Variants in ZC3H7B observed in about 807,000 individuals in gnomAD.
The protein encoded by ZC3H7B is zinc finger CCCH-type containing 7B, also known as zinc finger CCCH domain-containing protein 7B.
ZC3H7B carries 35 observed loss-of-function variants against 116.0 expected under a neutral mutation model. The observed-to-expected ratio is 0.30, with a 90% CI of 0.23 to 0.40. The LOEUF is 0.40. Ranked by LOEUF, ZC3H7B falls within the 10% of genes least tolerant of loss-of-function variation. The probability of loss-of-function intolerance (pLI) is 1.00; values close to 1 mark genes in which losing one functional copy is unlikely to be tolerated. For missense variants in ZC3H7B, 1,011 were observed against 1,321.5 expected, an observed-to-expected ratio of 0.77 and a Z score of 3.64; for synonymous variants, 502 against 545.6, an observed-to-expected ratio of 0.92 and a Z score of 1.11.
At chr22:41,312,782 G>A (rs541547073) in intron 1 of ZC3H7B, among the ~76,000 whole-genome samples, 8 of 151,116 alleles carry the variant, frequency 5.3e-5, no homozygotes, top group African/African-American at 1.2e-4. Context: ...GTGATGGTGC[G>A]TGCCTGTGGT....
chr22:41,348,119 C>T lies in ZC3H7B; in HGVS notation c.1718C>T (p.Pro573Leu), dbSNP rs1413383536. Residue 573 changes from proline (P) to leucine (L), a missense_variant, in exon 15 of 23, where the codon CCG (proline) becomes CTG (leucine). Physicochemically the swap from Pro to Leu is moderately conservative, Grantham distance 98 (BLOSUM62 -3). This residue lies in a region of ZC3H7B where 406 missense variants were observed against 590.2 expected (regional missense o/e 0.69). Transcript: ENST00000352645. ...RIISKGTKDSPSVCSNLAAKH... is the reference protein window; with the variant it reads ...RIISKGTKDSLSVCSNLAAKH... Reference sequence around the variant, plus strand: ...ATCAGCAAAGGCACCAAGGACTCTCCGTCTGTCTGCTCCAACCTGGCTGCC... The same window carrying T: ...ATCAGCAAAGGCACCAAGGACTCTCTGTCTGTCTGCTCCAACCTGGCTGCC... 1.2e-6 allele frequency: 2 copies of T among 1,614,002 alleles called. No homozygotes were observed. Among genetic ancestry groups the T allele is most frequent in the Non-Finnish European group, 8.5e-7 (1 of 1,179,958 alleles).
At chr22:41,325,501 T>C in intron 2 of ZC3H7B, 63 bp from the exon 3 acceptor site, 1 of 1,572,920 alleles carries the variant, frequency 6.4e-7, no homozygotes, top group South Asian at 1.2e-5. Context: ...GGAGTAGCTC[T>C]GGACCTCCAT....
intron 1 of ZC3H7B, among the ~76,000 whole-genome samples, chr22:41,308,437 C>G (rs2036074317): frequency 6.6e-6 from 1 of 152,146 alleles, no homozygotes; most frequent in Admixed American, 6.6e-5. Context: ...TTCTTGGCTT[C>G]TGTCTCCTTT....
In ZC3H7B at chr22:41,354,397, G is replaced by A. The variant is rs188391010; in HGVS notation, c.2035-1072G>A. Among the ~76,000 whole-genome samples the A allele has an allele frequency of 2.0e-3, 303 of 152,302 alleles. 1 individual carries two copies. Among genetic ancestry groups the A allele is most frequent in the Admixed American group, 3.4e-3 (52 of 15,296 alleles). On this transcript the variant is annotated intron_variant, in intron 17 of 22. Transcript: ENST00000352645. ...GTTATTCTGGGGCTGAGCAGCCCAC[G>A]AGTTGTCCAGCACCAGGCCAGGGGT...
At chr22:41,309,237 C>T (rs936731601) in intron 1 of ZC3H7B, among the ~76,000 whole-genome samples, 6 of 152,004 alleles carry the variant, frequency 3.9e-5, no homozygotes, top group Non-Finnish European at 7.4e-5. Context: ...GTCTCGATCT[C>T]CTGACCTCGT....
At chr22:41,354,123 C>G (rs1007718592) in intron 17 of ZC3H7B, among the ~76,000 whole-genome samples, 2 of 152,200 alleles carry the variant, frequency 1.3e-5, no homozygotes, top group African/African-American at 4.8e-5. Flanking sequence ...GGCATGGGGT[C>G]TGGCTCTAAG....
intron 1 of ZC3H7B, among the ~76,000 whole-genome samples, chr22:41,313,535 G>A (rs530893468): frequency 1.3e-5 from 2 of 152,248 alleles, no homozygotes; most frequent in African/African-American, 2.4e-5. Flanking sequence ...GAGCAAGAGG[G>A]GAAACTGGCT....
At chr22:41,320,878 T>G (rs1601770496) in intron 2 of ZC3H7B, among the ~76,000 whole-genome samples, 165 bp downstream of exon 2, 1 of 152,146 alleles carries the variant, frequency 6.6e-6, no homozygotes, top group Admixed American at 6.6e-5. Flanking sequence ...AAGGGGCTGG[T>G]GTGGCTGTGC....
intron 1 of ZC3H7B, among the ~76,000 whole-genome samples, chr22:41,314,597 A>G (rs2036157331): frequency 6.7e-6 from 1 of 149,406 alleles, no homozygotes; most frequent in Non-Finnish European, 1.5e-5. Flanking sequence ...CATAATCATC[A>G]TTATTATTTT....
At position 41,357,663 on chromosome 22, in the gene ZC3H7B, C is replaced by T. The variant is rs955952223; in HGVS notation, c.*234C>T. On this transcript the variant is annotated 3_prime_UTR_variant, in exon 23 of 23. Transcript: ENST00000352645. The surrounding 1 kb of genome is among the most constrained non-coding windows in gnomAD (Gnocchi z 5.4). Reference sequence around the variant, plus strand: ...TGAAACCTGGGCTGCCCTTCCCCCACCCCCACGGCTCTCCTGGTTGAGGAG... The same window carrying T: ...TGAAACCTGGGCTGCCCTTCCCCCATCCCCACGGCTCTCCTGGTTGAGGAG... The T allele has an allele frequency of 8.4e-6, 5 of 595,844 alleles. No individual in the cohort carries two copies. The highest frequency in any genetic ancestry group is 5.8e-5 in the East Asian group (2 of 34,730). The allele number at this position is 595,844 out of a possible 1,614,324, so 36.9% of individuals were successfully genotyped here.
Position 41,339,993 on chromosome 22 carries a change from G to A in ZC3H7B, c.994G>A (p.Ala332Thr), listed in dbSNP as rs751797936. ...GLVMDPSKKL[A>T]ASVLDALDPP... ...GGTCATGGACCCCTCCAAGAAGCTG[G>A]CCGCCTCTGTGCTGGATGCCCTCGA... The change falls in exon 10 of 23, where the codon GCC becomes ACC. Residue 332 changes from alanine to threonine, a missense_variant. Physicochemically the swap from Ala to Thr is moderately conservative, Grantham distance 58. Transcript: ENST00000352645. 3.1e-6 allele frequency: 5 copies of A among 1,611,180 alleles called. No individual in the cohort carries two copies. In the Admixed American group the frequency reaches 6.7e-5, roughly 21 times the overall value.
chr22:41,354,331 G>A (rs1464312181), intron 17 of ZC3H7B, among the ~76,000 whole-genome samples: 4 of 152,222 alleles, frequency 2.6e-5, no homozygotes, highest in Non-Finnish European at 4.4e-5. Context: ...CGTCCCACGC[G>A]TAAAGGCATG....
chr22:41,329,204 C>G (rs2036352292), intron 5 of ZC3H7B, among the ~76,000 whole-genome samples: 1 of 144,316 alleles, frequency 6.9e-6, no homozygotes, highest in South Asian at 2.3e-4. Context: ...GACTCCATCT[C>G]AAAAAATCAA....
At chr22:41,345,629 T>C (rs891370472) in intron 13 of ZC3H7B, among the ~76,000 whole-genome samples, 1 of 152,178 alleles carries the variant, frequency 6.6e-6, no homozygotes, top group Non-Finnish European at 1.5e-5. Flanking sequence ...TGTATACTTC[T>C]ACAAAAGCAA....
chr22:41,310,523 T>C (rs1467589627), intron 1 of ZC3H7B, among the ~76,000 whole-genome samples: 3 of 152,092 alleles, frequency 2.0e-5, no homozygotes, highest in African/African-American at 7.2e-5. Flanking sequence ...GGAAACTCTC[T>C]TGATGCCCAA....
Position 41,311,785 on chromosome 22 carries a change from C to T in ZC3H7B, c.-6-8870C>T, listed in dbSNP as rs1358280850. On this transcript the variant is annotated intron_variant, in intron 1 of 22. Transcript: ENST00000352645. The stretch of plus-strand genomic sequence containing the variant: ...GAGCACTGTCCCTTAAATGGAAGCT[C>T]GGGGATGTTGGTCTTGAGACCTGGG... Among the ~76,000 whole-genome samples the T allele has an allele frequency of 2.0e-5, 3 of 151,928 alleles. No homozygotes were observed. The East Asian group carries it at 5.8e-4, about 29-fold the overall frequency.
chr22:41,345,870 A>T, intron 13 of ZC3H7B, 133 bp from the exon 14 acceptor site: 1 of 871,010 alleles, frequency 1.1e-6, no homozygotes, highest in Non-Finnish European at 1.9e-6. Context: ...TGGCTCACCT[A>T]GCTGTGTTGG....
At position 41,330,077 on chromosome 22, in the gene ZC3H7B, G is replaced by T; in HGVS notation, c.499G>T (p.Val167Phe). The stretch of plus-strand genomic sequence containing the variant: ...GCTGGCCCAGAAACTGGGGCTGCGA[G>T]TTCGCAAGGCGTATAAGAGGCCCCA... Reference protein sequence around the residue: ...QELAQKLGLRVRKAYKRPQEL... With the variant: ...QELAQKLGLRFRKAYKRPQEL... Residue 167 changes from valine (V) to phenylalanine (F), a missense_variant, in exon 6 of 23, where the codon GTT (valine) becomes TTT (phenylalanine). Physicochemically the swap from Val to Phe is conservative, Grantham distance 50. Coordinates refer to ENST00000352645, the MANE Select transcript of ZC3H7B (RefSeq NM_017590.6). The T allele has an allele frequency of 6.2e-7, 1 of 1,613,962 alleles. No homozygotes were observed. Among genetic ancestry groups the T allele is most frequent in the Non-Finnish European group, 8.5e-7 (1 of 1,179,992 alleles).
At chr22:41,337,570 G>T (rs1171152198) in intron 7 of ZC3H7B, among the ~76,000 whole-genome samples, 2 of 152,216 alleles carry the variant, frequency 1.3e-5, no homozygotes, top group Admixed American at 6.5e-5. Context: ...TGGGGGGCCT[G>T]GGGCTACCGT....
Sources: gnomAD v4.1 joint callset for allele counts (sites outside exome capture counted in the v4.1 genomes callset) on GRCh38, gnomAD v4.1.1 for gene constraint, gnomAD v4.1.1 regional missense constraint, Gnocchi (gnomAD v3.1) non-coding constraint, MANE v1.5 for transcripts, NCBI Gene and HGNC (gene_info 2026-07-23, HGNC 2026-07-21) for gene names.